The following ATXN8OS variants were observed in gnomAD, a reference collection of about 807,000 sequenced individuals.
ATXN8OS encodes ATXN8 opposite strand (non-protein coding).
At chr13:70,144,926 G>C (rs947397739) in intron 3 of ATXN8OS, among the ~76,000 whole-genome samples, 2 of 152,094 alleles carry the variant, frequency 1.3e-5, no homozygotes, top group Non-Finnish European at 2.9e-5. Flanking sequence ...ATTTCTAAGT[G>C]TGTAATCCAA....
exon 5 of ATXN8OS, among the ~76,000 whole-genome samples, chr13:70,171,215 A>G (rs1889140333): frequency 1.3e-5 from 2 of 152,170 alleles, no homozygotes; most frequent in African/African-American, 4.8e-5. Context: ...GCCTTCTTCC[A>G]ACACAGTTTG....
At chr13:70,119,667 A>G (rs1888330044) in intron 2 of ATXN8OS, among the ~76,000 whole-genome samples, 1 of 152,142 alleles carries the variant, frequency 6.6e-6, no homozygotes, top group African/African-American at 2.4e-5. Flanking sequence ...AAACAGTTCT[A>G]ACATCTGGAA....
intron 3 of ATXN8OS, among the ~76,000 whole-genome samples, chr13:70,133,266 A>G (rs900933647): frequency 6.6e-6 from 1 of 152,292 alleles, no homozygotes; most frequent in Non-Finnish European, 1.5e-5. Context: ...AATAAAATTT[A>G]AAAAATACCC....
chr13:70,140,519 AAC>A (rs1555300642), intron 3 of ATXN8OS, among the ~76,000 whole-genome samples: 3 of 100,746 alleles, frequency 3.0e-5, no homozygotes, highest in African/African-American at 3.2e-5. Context: ...TGCTTACCAT[AAC>A]ACACACACAC....
At chr13:70,168,617 A>G (rs1189084019) in intron 4 of ATXN8OS, among the ~76,000 whole-genome samples, 48 of 147,918 alleles carry the variant, frequency 3.2e-4, no homozygotes, top group African/African-American at 1.2e-3. Flanking sequence ...TTTAGCTCCC[A>G]ATAGGAGAGA....
intron 3 of ATXN8OS, among the ~76,000 whole-genome samples, chr13:70,143,354 G>C (rs374097435): frequency 6.6e-6 from 1 of 151,908 alleles, no homozygotes; most frequent in African/African-American, 2.4e-5. Context: ...ATGATGATGA[G>C]AGTCTTCTTT....
intron 1 of ATXN8OS, among the ~76,000 whole-genome samples, chr13:70,110,516 A>G (rs1046411763): frequency 6.6e-6 from 1 of 151,948 alleles, no homozygotes; most frequent in African/African-American, 2.4e-5. Flanking sequence ...ACAAGAAAAA[A>G]AAATGGAAGA....
chr13:70,159,198 TCA>T (rs1491192464), intron 4 of ATXN8OS, among the ~76,000 whole-genome samples: 3 of 138,226 alleles, frequency 2.2e-5, no homozygotes, highest in Admixed American at 7.3e-5. Flanking sequence ...TCTCTCTCTC[TCA>T]CTTTTTATTA....
At chr13:70,167,055 T>C (rs921190978) in intron 4 of ATXN8OS, among the ~76,000 whole-genome samples, 1 of 152,002 alleles carries the variant, frequency 6.6e-6, no homozygotes, top group Non-Finnish European at 1.5e-5. Context: ...GGAACACTTT[T>C]ACACTGTTGG....
intron 4 of ATXN8OS, among the ~76,000 whole-genome samples, chr13:70,162,552 AAG>A (rs1319851059): frequency 6.6e-6 from 1 of 152,134 alleles, no homozygotes; most frequent in South Asian, 2.1e-4. Context: ...AAATGGGAGG[AAG>A]AGAGAGAGTA....
intron 2 of ATXN8OS, among the ~76,000 whole-genome samples, chr13:70,117,580 T>C (rs1040361944): frequency 6.6e-6 from 1 of 152,094 alleles, no homozygotes; most frequent in Non-Finnish European, 1.5e-5. Flanking sequence ...AGTTGCCTAC[T>C]GACTGGAAAG....
intron 4 of ATXN8OS, among the ~76,000 whole-genome samples, chr13:70,148,350 CG>C (rs879686702): frequency 6.6e-6 from 1 of 151,474 alleles, no homozygotes; most frequent in Admixed American, 6.6e-5. Context: ...CATCAAGAGT[CG>C]GGTTGGACTT....
chr13:70,142,631 C>G (rs1158616843), intron 3 of ATXN8OS, among the ~76,000 whole-genome samples: 3 of 152,200 alleles, frequency 2.0e-5, no homozygotes, highest in African/African-American at 2.4e-5. Context: ...CACCATTAGA[C>G]AGTGTTCTTG....
chr13:70,134,791 A>G (rs1374392051), intron 3 of ATXN8OS, among the ~76,000 whole-genome samples: 3 of 152,142 alleles, frequency 2.0e-5, no homozygotes, highest in Non-Finnish European at 4.4e-5. Flanking sequence ...ACCAGAATAG[A>G]AGGACTGCAA....
At chr13:70,157,476 A>C (rs145389460) in intron 4 of ATXN8OS, among the ~76,000 whole-genome samples, 1 of 147,014 alleles carries the variant, frequency 6.8e-6, no homozygotes, top group Admixed American at 7.0e-5. Context: ...TAAGGAAAGA[A>C]GACAGCCAAT....
chr13:70,110,041 T>C (rs1888176769), intron 1 of ATXN8OS, among the ~76,000 whole-genome samples: 1 of 152,174 alleles, frequency 6.6e-6, no homozygotes, highest in Non-Finnish European at 1.5e-5. Flanking sequence ...AATTTTGCAG[T>C]TCCTTTTTCT....
chr13:70,153,751 C>T (rs915874821), intron 4 of ATXN8OS, among the ~76,000 whole-genome samples: 3 of 152,114 alleles, frequency 2.0e-5, no homozygotes, highest in Non-Finnish European at 4.4e-5. Flanking sequence ...ACAGTCACAG[C>T]TCACTGCAGC....
chr13:70,107,992 C>T (rs1888118726), exon 1 of ATXN8OS: 3 of 444,840 alleles, frequency 6.7e-6, no homozygotes, highest in Non-Finnish European at 7.9e-6. Flanking sequence ...TCCTCGATGC[C>T]CGCGCGAGAG....
intron 4 of ATXN8OS, among the ~76,000 whole-genome samples, chr13:70,165,394 G>A (rs1425054349): frequency 6.6e-6 from 1 of 151,830 alleles, no homozygotes; most frequent in African/African-American, 2.4e-5. Context: ...TGTATAATCA[G>A]TATTTTTGAA....
Sources: gnomAD v4.1 joint callset for allele counts (sites outside exome capture counted in the v4.1 genomes callset) on GRCh38, gnomAD v4.1.1 for gene constraint, MANE v1.5 for transcripts, NCBI Gene and HGNC (gene_info 2026-07-23, HGNC 2026-07-21) for gene names.